LDLRAD4: variants seen among roughly 807,000 people sequenced by gnomAD.
The protein encoded by LDLRAD4 is low density lipoprotein receptor class A domain containing 4.
Under a neutral mutation model 17.0 loss-of-function variants are expected in LDLRAD4, and 5 were observed. The observed-to-expected ratio is 0.29, with a 90% CI of 0.15 to 0.62. The LOEUF is 0.62. LDLRAD4 is among the 20% of genes least tolerant of loss of function. The pLI is 0.84. For missense variants in LDLRAD4, 340 were observed against 424.7 expected, an observed-to-expected ratio of 0.80 and a Z score of 1.75; for synonymous variants, 168 against 171.8, an observed-to-expected ratio of 0.98 and a Z score of 0.17.
chr18:13,313,902 T>G (rs975262163), intron 1 of LDLRAD4, among the ~76,000 whole-genome samples: 1 of 152,218 alleles, frequency 6.6e-6, no homozygotes, highest in Non-Finnish European at 1.5e-5. Flanking sequence ...GTTTTTATTT[T>G]TATTTTTATT....
intron 2 of LDLRAD4, among the ~76,000 whole-genome samples, chr18:13,435,964 G>A (rs1051174842): frequency 6.6e-6 from 1 of 152,234 alleles, no homozygotes; most frequent in African/African-American, 2.4e-5. Context: ...GCAGTGCTAT[G>A]AGATGAGGCA....
intron 3 of LDLRAD4, among the ~76,000 whole-genome samples, chr18:13,512,935 C>T (rs116825320): frequency 0.018 from 2,678 of 152,280 alleles, 83 homozygotes; most frequent in African/African-American, 0.062. Context: ...CCTGTCTTCT[C>T]TCACTGCCTT....
At chr18:13,601,667 G>GA (rs541946381) in intron 3 of LDLRAD4, among the ~76,000 whole-genome samples, 49 of 133,462 alleles carry the variant, frequency 3.7e-4, no homozygotes, top group African/African-American at 1.1e-3. Context: ...AAAAAAAAAA[G>GA]AAAAAAAAAG....
chr18:13,329,768 T>A (rs532337153), intron 1 of LDLRAD4, among the ~76,000 whole-genome samples: 24 of 152,234 alleles, frequency 1.6e-4, no homozygotes, highest in Non-Finnish European at 2.8e-4. Context: ...AATCTGTCTT[T>A]TACTCACTGA....
intron 1 of LDLRAD4, among the ~76,000 whole-genome samples, chr18:13,386,684 G>A (rs1010375362): frequency 6.6e-6 from 1 of 152,212 alleles, no homozygotes; most frequent in Non-Finnish European, 1.5e-5. Context: ...ATATGGAGCA[G>A]TTTATAGATT....
At chr18:13,605,072 T>C (rs2095208593) in intron 3 of LDLRAD4, among the ~76,000 whole-genome samples, 1 of 152,222 alleles carries the variant, frequency 6.6e-6, no homozygotes, top group Non-Finnish European at 1.5e-5. Context: ...TCATTCTGTC[T>C]TTACAAGAAG....
chr18:13,445,114 C>A (rs1568163512), intron 3 of LDLRAD4, among the ~76,000 whole-genome samples: 1 of 152,200 alleles, frequency 6.6e-6, no homozygotes, highest in Non-Finnish European at 1.5e-5. Context: ...TGCTGCAGCC[C>A]TGGAGGGACA....
intron 1 of LDLRAD4, among the ~76,000 whole-genome samples, chr18:13,282,664 C>G (rs1391917207): frequency 6.6e-6 from 1 of 152,206 alleles, no homozygotes; most frequent in East Asian, 1.9e-4. Flanking sequence ...CTCCTGGCTG[C>G]TTGCACATGC....
intron 1 of LDLRAD4, among the ~76,000 whole-genome samples, chr18:13,303,014 A>G (rs890283240): frequency 6.6e-6 from 1 of 152,190 alleles, no homozygotes. Flanking sequence ...AGAAAGATTT[A>G]TTGGGGGTAG....
At chr18:13,586,038 T>C (rs2094928407) in intron 3 of LDLRAD4, among the ~76,000 whole-genome samples, 1 of 152,038 alleles carries the variant, frequency 6.6e-6, no homozygotes, top group South Asian at 2.1e-4. Context: ...CTGGAGTGAA[T>C]GAAAGTTGAA....
chr18:13,405,605 T>G (rs1197246578), intron 2 of LDLRAD4, among the ~76,000 whole-genome samples: 20 of 150,504 alleles, frequency 1.3e-4, no homozygotes, highest in Non-Finnish European at 7.4e-5. Flanking sequence ...TAATTAAATT[T>G]TTTTTTTTTT....
intron 1 of LDLRAD4, among the ~76,000 whole-genome samples, chr18:13,376,886 C>T (rs1345482500): frequency 2.6e-5 from 4 of 152,242 alleles, no homozygotes; most frequent in African/African-American, 9.6e-5. Context: ...TGAACTCTTT[C>T]TGCCTGGCCG....
chr18:13,489,157 C>CTTTTTTTTTTTTTTTT, intron 3 of LDLRAD4: 1 of 136,960 alleles, frequency 7.3e-6, no homozygotes, highest in Non-Finnish European at 1.6e-5. Context: ...TTCTTTCTTT[C>CTTTTTTTTTTTTTTTT]TTTTTTTTTT....
chr18:13,390,513 CA>C, intron 2 of LDLRAD4, among the ~76,000 whole-genome samples: 1 of 152,306 alleles, frequency 6.6e-6, no homozygotes, highest in South Asian at 2.1e-4. Flanking sequence ...GTCTTGGCAT[CA>C]CCTAGACCTG....
chr18:13,338,195 C>A (rs559093468), intron 1 of LDLRAD4, among the ~76,000 whole-genome samples: 1 of 152,188 alleles, frequency 6.6e-6, no homozygotes, highest in African/African-American at 2.4e-5. Flanking sequence ...GAATGCAACT[C>A]GTGCTTCATA....
chr18:13,405,927 T>C (rs908038616), intron 2 of LDLRAD4, among the ~76,000 whole-genome samples: 1 of 152,198 alleles, frequency 6.6e-6, no homozygotes, highest in African/African-American at 2.4e-5. Context: ...GCAGGCAGCT[T>C]ATCTTGCTGT....
chr18:13,423,811 C>G (rs80113924), intron 2 of LDLRAD4: 6,127 of 152,456 alleles, frequency 0.04, 175 homozygotes, highest in Non-Finnish European at 0.063. Context: ...ATAATTTTCA[C>G]TGTACAAGAA....
At chr18:13,317,766 T>C (rs2081007322) in intron 1 of LDLRAD4, among the ~76,000 whole-genome samples, 1 of 152,238 alleles carries the variant, frequency 6.6e-6, no homozygotes, top group African/African-American at 2.4e-5. Flanking sequence ...ACCCAAAATA[T>C]AAGTAATGTT....
At position 13,643,426 on chromosome 18, in the gene LDLRAD4, G is replaced by A. The variant is rs1251099957; in HGVS notation, c.390+14G>A. ...GGCGCCTCGGAGGTAAGGGGCCCCA[G>A]GAGGTGATGGCTGCGGGGGGCGGGG... On this transcript the variant is annotated intron_variant, in intron 5 of 5. Transcript: ENST00000359446. 2.6e-6 allele frequency: 3 copies of A among 1,173,218 alleles called. No individual in the cohort carries two copies. 72.7% of individuals were successfully genotyped at this position (1,173,218 alleles called of 1,614,324 possible).
Sources: allele counts gnomAD v4.1 joint callset (sites outside exome capture counted in the v4.1 genomes callset), GRCh38; gene constraint gnomAD v4.1.1; transcripts MANE v1.5; gene names NCBI Gene and HGNC (gene_info 2026-07-23, HGNC 2026-07-21).